Variants in DPP10 observed in about 807,000 individuals in gnomAD.
DPP10 encodes the protein inactive dipeptidyl peptidase 10.
DPP10 carries 33 observed loss-of-function variants against 120.9 expected under a neutral mutation model. That is an observed-to-expected ratio of 0.27 (90% CI 0.21 to 0.37). The LOEUF (loss-of-function observed/expected upper bound fraction) is 0.37. Among genes scored for constraint, DPP10 ranks in the 10% least tolerant of loss-of-function variants. The probability of loss-of-function intolerance (pLI) is 1.00; values close to 1 mark genes in which losing one functional copy is unlikely to be tolerated. For synonymous variants in DPP10, 337 were observed against 326.1 expected, an observed-to-expected ratio of 1.03 and a Z score of -0.36; for missense variants, 816 against 942.8, an observed-to-expected ratio of 0.87 and a Z score of 1.76.
intron 5 of DPP10, among the ~76,000 whole-genome samples, chr2:115,669,964 C>T (rs2089739712): frequency 6.6e-6 from 1 of 152,114 alleles, no homozygotes; most frequent in Non-Finnish European, 1.5e-5. Context: ...TAACAAATTA[C>T]CACAGATGGG....
chr2:115,728,460 T>G (rs2149642409), intron 8 of DPP10, among the ~76,000 whole-genome samples: 1 of 152,230 alleles, frequency 6.6e-6, no homozygotes, highest in South Asian at 2.1e-4. Flanking sequence ...AATATAAAAA[T>G]AAATCAGGTG....
chr2:115,002,294 T>C (rs1320028102), intron 1 of DPP10, among the ~76,000 whole-genome samples: 2 of 152,140 alleles, frequency 1.3e-5, no homozygotes, highest in African/African-American at 4.8e-5. Flanking sequence ...ATTCAATAAA[T>C]AGGGCTGAGA....
intron 5 of DPP10, among the ~76,000 whole-genome samples, chr2:115,535,551 C>A (rs1184758302): frequency 6.6e-6 from 1 of 150,814 alleles, no homozygotes; most frequent in Non-Finnish European, 1.5e-5. Context: ...TAGTGTGATG[C>A]CTCCAGCTTT....
At chr2:115,107,079 A>AC (rs1333172664) in intron 1 of DPP10, among the ~76,000 whole-genome samples, 6 of 151,892 alleles carry the variant, frequency 4.0e-5, no homozygotes, top group Non-Finnish European at 8.8e-5. Context: ...TGTCTCAAAA[A>AC]AAAAAAAAAA....
chr2:115,380,201 G>A (rs1248507198), intron 3 of DPP10, among the ~76,000 whole-genome samples: 1 of 152,124 alleles, frequency 6.6e-6, no homozygotes, highest in African/African-American at 2.4e-5. Flanking sequence ...CTCTTTGTAG[G>A]TCACTCAGGA....
At chr2:114,972,915 A>G (rs937216985) in intron 1 of DPP10, among the ~76,000 whole-genome samples, 2 of 152,224 alleles carry the variant, frequency 1.3e-5, no homozygotes, top group African/African-American at 4.8e-5. Context: ...TGCTAATCAC[A>G]CAACCAAAAA....
Position 115,256,793 on chromosome 2 carries a change from C to G in DPP10, c.61-52446C>G, listed in dbSNP as rs558949738. ...AGATTTTTTAAACTTTTACACTCTT[C>G]TTCCTTCTTAAACAGATGTTCCAAC... On this transcript the variant is annotated intron_variant, in intron 1 of 25. Coordinates refer to ENST00000410059, the MANE Select transcript of DPP10 (RefSeq NM_020868.6). Among the ~76,000 whole-genome samples the G allele has an allele frequency of 1.8e-4, 27 of 152,348 alleles. No individual in the cohort carries two copies. In the East Asian group the frequency reaches 5.0e-3, roughly 28 times the overall value.
Position 115,836,140 on chromosome 2 carries a change from A to T in DPP10, c.1951-17A>T, listed in dbSNP as rs753196678. The stretch of plus-strand genomic sequence containing the variant: ...GTGAGATATATATATATATATATAT[A>T]TATTTTTCCCCCCCAGGGTTATGGT... On this transcript the variant is annotated splice_polypyrimidine_tract_variant and intron_variant, in intron 21 of 25. Coordinates refer to ENST00000410059, the MANE Select transcript of DPP10 (RefSeq NM_020868.6). The T allele has an allele frequency of 1.4e-5, 19 of 1,325,138 alleles. No homozygotes were observed. Among genetic ancestry groups the T allele is most frequent in the African/African-American group, 3.1e-5 (2 of 64,666 alleles). The allele number at this position is 1,325,138 out of a possible 1,614,324, so 82.1% of individuals were successfully genotyped here.
intron 21 of DPP10, among the ~76,000 whole-genome samples, chr2:115,835,146 A>G (rs1559219924): frequency 6.6e-6 from 1 of 151,810 alleles, no homozygotes; most frequent in Non-Finnish European, 1.5e-5. Flanking sequence ...AAAAAAAAAA[A>G]GCAAGAGAAA....
intron 1 of DPP10, among the ~76,000 whole-genome samples, chr2:114,485,189 T>C (rs562541960): frequency 2.2e-4 from 34 of 152,242 alleles, no homozygotes; most frequent in Admixed American, 1.4e-3. Context: ...GTTGTCGTTG[T>C]CAAAAGACAA....
intron 5 of DPP10, among the ~76,000 whole-genome samples, chr2:115,636,919 A>G (rs546145844): frequency 6.6e-6 from 1 of 152,290 alleles, no homozygotes; most frequent in Admixed American, 6.5e-5. Context: ...GGCAGTCTAC[A>G]GAAGACAAGC....
rs58126075 is a variant in DPP10 at position 114,455,544 on chromosome 2, C to CAAAA, written c.60+12718_60+12721dup. Among the ~76,000 whole-genome samples, 510 of 120,488 alleles carry CAAAA rather than the reference C, an allele frequency of 4.2e-3. 2 individuals are homozygous for CAAAA. The highest frequency in any genetic ancestry group is 0.014 in the African/African-American group (477 of 34,118). 79.0% of individuals were successfully genotyped at this position (120,488 alleles called of 152,430 possible). A position where few individuals can be genotyped will look rare whatever the true frequency, so the allele number is the denominator to read the frequency against. Reference sequence around the variant, plus strand: ...TGGGTGACAGTTCAAGACTCTGTCTCAAAAAAAAAAAAAAATGTAAATACA... The same window carrying CAAAA: ...TGGGTGACAGTTCAAGACTCTGTCTCAAAAAAAAAAAAAAAAAAATGTAAATACA... On this transcript the variant is annotated intron_variant, in intron 1 of 25. Transcript: ENST00000410059.
chr2:115,697,033 G>A (rs978599381), intron 7 of DPP10, among the ~76,000 whole-genome samples: 2 of 151,898 alleles, frequency 1.3e-5, no homozygotes, highest in Admixed American at 6.6e-5. Context: ...ATAACTTTAT[G>A]ATGTTGCATG....
At chr2:115,826,140 C>T (rs1158972043) in intron 21 of DPP10, among the ~76,000 whole-genome samples, 1 of 152,132 alleles carries the variant, frequency 6.6e-6, no homozygotes, top group East Asian at 1.9e-4. Context: ...CTCCTGCTTT[C>T]TAGGAAGGTC....
intron 1 of DPP10, among the ~76,000 whole-genome samples, chr2:114,497,283 GTA>G: frequency 1.6e-5 from 1 of 60,824 alleles, no homozygotes; most frequent in South Asian, 3.9e-4. Context: ...ATGTATACGT[GTA>G]TACATGTACA....
At chr2:115,018,697 A>C (rs1702848636) in intron 1 of DPP10, among the ~76,000 whole-genome samples, 1 of 152,004 alleles carries the variant, frequency 6.6e-6, no homozygotes, top group Non-Finnish European at 1.5e-5. Flanking sequence ...AACATCACAC[A>C]CTAGAGCCTG....
chr2:115,589,666 A>G (rs1284062157), intron 5 of DPP10, among the ~76,000 whole-genome samples: 1 of 152,254 alleles, frequency 6.6e-6, no homozygotes, highest in Non-Finnish European at 1.5e-5. Context: ...TAACAGGTTG[A>G]CATTCCATGT....
intron 1 of DPP10, among the ~76,000 whole-genome samples, chr2:115,169,926 T>C (rs1369957723): frequency 6.6e-6 from 1 of 152,206 alleles, no homozygotes; most frequent in East Asian, 1.9e-4. Flanking sequence ...CACTCTCTTT[T>C]TGATATGTAA....
rs144946359 is a variant in DPP10, at chr2:115,620,704, A to T, written c.442-68983A>T. ...TTAGTAATATCGTCTTTTACCAGGT[A>T]CTTTCTCTATGATCATGGACATTTG... On this transcript the variant is annotated intron_variant, in intron 5 of 25. Transcript: ENST00000410059. Among the ~76,000 whole-genome samples, 1,207 of 152,290 alleles carry T rather than the reference A, an allele frequency of 7.9e-3. 17 individuals are homozygous for T. The highest frequency in any genetic ancestry group is 0.028 in the African/African-American group (1,164 of 41,546).
Sources: allele counts gnomAD v4.1 joint callset (sites outside exome capture counted in the v4.1 genomes callset), GRCh38; gene constraint gnomAD v4.1.1; transcripts MANE v1.5; gene names NCBI Gene and HGNC (gene_info 2026-07-23, HGNC 2026-07-21).